PITPNC1: variants seen among roughly 807,000 people sequenced by gnomAD.
PITPNC1 encodes the protein cytoplasmic phosphatidylinositol transfer protein 1.
Under a neutral mutation model 44.7 loss-of-function variants are expected in PITPNC1, and 18 were observed. The ratio of observed to expected loss-of-function variants is 0.40; its 90% CI spans 0.28 to 0.60. The LOEUF is 0.60. Among genes scored for constraint, PITPNC1 ranks in the 20% least tolerant of loss-of-function variants. The pLI is 0.39. For synonymous variants in PITPNC1, 141 were observed against 149.6 expected, an observed-to-expected ratio of 0.94 and a Z score of 0.42; for missense variants, 290 against 418.4, an observed-to-expected ratio of 0.69 and a Z score of 2.68.
chr17:67,552,347 T>C lies in PITPNC1; in HGVS notation c.286+2T>C. 6.7e-7 allele frequency: 1 copy of C among 1,486,996 alleles called. No individual in the cohort carries two copies. 92.1% of individuals were successfully genotyped at this position (1,486,996 alleles called of 1,614,324 possible). On this transcript the variant is annotated splice_donor_variant, in intron 3 of 8. Coordinates refer to ENST00000581322, the MANE Select transcript of PITPNC1 (RefSeq NM_012417.4). LOFTEE classifies it high-confidence loss of function. ...ACTATTATCCCTACACAATTACAGG[T>C]AAGTCCTTAGTACAACCATATGGCA...
Position 67,508,109 on chromosome 17 carries a change from G to A in PITPNC1, c.49-24693G>A, listed in dbSNP as rs1457223712. Among the ~76,000 whole-genome samples, 2 of 152,014 alleles carry A rather than the reference G, an allele frequency of 1.3e-5. No individual in the cohort carries two copies. Among genetic ancestry groups the A allele is most frequent in the South Asian group, 2.1e-4 (1 of 4,828 alleles). On this transcript the variant is annotated intron_variant, in intron 1 of 8. Transcript: ENST00000581322. This position sits in a 1 kb window ranked among gnomAD's most constrained non-coding sequence, Gnocchi z 4.2. ...TCCGTTCTCCCATCCTACCAGTTAC[G>A]CAGCCAGAAAATTGAATGTCCTCAT...
intron 1 of PITPNC1, among the ~76,000 whole-genome samples, chr17:67,428,698 A>T (rs1281899300): frequency 2.0e-5 from 3 of 152,200 alleles, no homozygotes. Flanking sequence ...TAAGAAAAAC[A>T]GTACAAAGGT....
intron 4 of PITPNC1, among the ~76,000 whole-genome samples, chr17:67,553,911 T>C (rs2040799898): frequency 1.3e-5 from 2 of 152,214 alleles, no homozygotes; most frequent in African/African-American, 2.4e-5. Flanking sequence ...TAGTTCACTA[T>C]AATAAAAGAA....
intron 6 of PITPNC1, among the ~76,000 whole-genome samples, chr17:67,641,792 TAATA>T (rs2042095924): frequency 6.9e-6 from 1 of 144,420 alleles, no homozygotes; most frequent in East Asian, 2.0e-4. Flanking sequence ...AAAATAATAA[TAATA>T]ATAATAATAA....
intron 2 of PITPNC1, among the ~76,000 whole-genome samples, chr17:67,538,942 G>T (rs2040567031): frequency 6.8e-6 from 1 of 146,174 alleles, no homozygotes; most frequent in South Asian, 2.2e-4. Flanking sequence ...AAAAAAAAAA[G>T]AAAAACTCTT....
intron 5 of PITPNC1, among the ~76,000 whole-genome samples, chr17:67,588,375 C>T (rs765863100): frequency 6.6e-6 from 1 of 152,118 alleles, no homozygotes; most frequent in Non-Finnish European, 1.5e-5. Context: ...GTTTTAGTTC[C>T]CTGCAGTCAA....
chr17:67,481,865 G>C (rs892204590), intron 1 of PITPNC1, among the ~76,000 whole-genome samples: 1 of 149,530 alleles, frequency 6.7e-6, no homozygotes, highest in African/African-American at 2.5e-5. Context: ...ATAACAATTC[G>C]AAGTAGTATA....
At chr17:67,477,132 A>G (rs2144019366) in intron 1 of PITPNC1, among the ~76,000 whole-genome samples, 1 of 152,070 alleles carries the variant, frequency 6.6e-6, no homozygotes, top group African/African-American at 2.4e-5. Context: ...CTGGAGTGCA[A>G]TGGCATGATC....
intron 1 of PITPNC1, among the ~76,000 whole-genome samples, chr17:67,513,543 A>T (rs1189161242): frequency 6.6e-6 from 1 of 150,806 alleles, no homozygotes; most frequent in Admixed American, 6.6e-5. Flanking sequence ...AAACAGTCAC[A>T]GAAGAATTAT....
chr17:67,662,260 C>T (rs2042360162), intron 6 of PITPNC1, among the ~76,000 whole-genome samples: 1 of 151,972 alleles, frequency 6.6e-6, no homozygotes, highest in Non-Finnish European at 1.5e-5. Flanking sequence ...TCAAGAACAG[C>T]CTGGCCAACA....
chr17:67,382,681 G>T (rs1250552292), intron 1 of PITPNC1, among the ~76,000 whole-genome samples: 1 of 152,154 alleles, frequency 6.6e-6, no homozygotes, highest in Non-Finnish European at 1.5e-5. Context: ...CTGGAGTGCA[G>T]TGGGATGATT....
At chr17:67,636,309 A>G (rs1042897804) in intron 6 of PITPNC1, among the ~76,000 whole-genome samples, 32 of 148,340 alleles carry the variant, frequency 2.2e-4, no homozygotes, top group African/African-American at 7.7e-4. Flanking sequence ...AAAAAGCATT[A>G]TCTGGCTCCA....
At chr17:67,420,381 TCC>T (rs72529804) in intron 1 of PITPNC1, among the ~76,000 whole-genome samples, 3,299 of 144,512 alleles carry the variant, frequency 0.023, 131 homozygotes, top group African/African-American at 0.078. Flanking sequence ...CCTTCCTCCC[TCC>T]CCTCCCTCCC....
intron 5 of PITPNC1, among the ~76,000 whole-genome samples, chr17:67,591,993 G>C (rs1396164801): frequency 6.6e-6 from 1 of 151,732 alleles, no homozygotes; most frequent in Non-Finnish European, 1.5e-5. Flanking sequence ...CATTATAGGA[G>C]TGAGTCACCA....
intron 6 of PITPNC1, among the ~76,000 whole-genome samples, chr17:67,641,292 CAG>C (rs1260881637): frequency 6.6e-6 from 1 of 152,128 alleles, no homozygotes; most frequent in Admixed American, 6.5e-5. Flanking sequence ...AAACACAAAA[CAG>C]AGCAAATCTC....
chr17:67,407,510 A>T (rs916539619), intron 1 of PITPNC1, among the ~76,000 whole-genome samples: 2 of 152,150 alleles, frequency 1.3e-5, no homozygotes, highest in Non-Finnish European at 2.9e-5. Flanking sequence ...TAAATTTAAA[A>T]ATCTAAAATA....
rs149200259 is a variant in PITPNC1 at position 67,431,398 on chromosome 17, G to A, written c.48+53196G>A. ...CCTACGGCTTTCCCCCTCTTTCTGC[G>A]TTTTCTCCACCCTTTACCGCTGAGT... is the stretch of plus-strand genomic sequence containing the variant. On this transcript the variant is annotated intron_variant, in intron 1 of 8. Transcript: ENST00000581322. Among the ~76,000 whole-genome samples the A allele has an allele frequency of 5.9e-5, 9 of 151,994 alleles. No individual in the cohort carries two copies. The East Asian group carries it at 1.2e-3, about 20-fold the overall frequency.
At chr17:67,517,109 A>G (rs1026358888) in intron 1 of PITPNC1, among the ~76,000 whole-genome samples, 2 of 152,256 alleles carry the variant, frequency 1.3e-5, no homozygotes, top group Non-Finnish European at 2.9e-5. Context: ...TCCTTGAGGC[A>G]TAATGAAAAG....
chr17:67,490,229 CTT>C (rs374413040), intron 1 of PITPNC1, among the ~76,000 whole-genome samples: 78 of 149,656 alleles, frequency 5.2e-4, no homozygotes, highest in Middle Eastern at 3.4e-3. Flanking sequence ...CATTATGTAA[CTT>C]TGGAGCTAAG....
Sources: gnomAD v4.1 joint callset for allele counts (sites outside exome capture counted in the v4.1 genomes callset) on GRCh38, gnomAD v4.1.1 for gene constraint, Gnocchi (gnomAD v3.1) non-coding constraint, MANE v1.5 for transcripts, NCBI Gene and HGNC (gene_info 2026-07-23, HGNC 2026-07-21) for gene names.